CNTNAP4: variants seen among roughly 807,000 people sequenced by gnomAD.
CNTNAP4 encodes the protein contactin associated protein family member 4, also known as contactin-associated protein-like 4.
Under a neutral mutation model 148.4 loss-of-function variants are expected in CNTNAP4, and 98 were observed. The ratio of observed to expected loss-of-function variants is 0.66; its 90% CI spans 0.56 to 0.78. The LOEUF (loss-of-function observed/expected upper bound fraction) is 0.78, where lower values mean the gene tolerates loss of function less well. Ranked by LOEUF, CNTNAP4 falls within the 30% of genes least tolerant of loss-of-function variation. The pLI is 0.00. For missense variants in CNTNAP4, 1,935 were observed against 1,565.6 expected, an observed-to-expected ratio of 1.24 and a Z score of -3.98; for synonymous variants, 730 against 565.1, an observed-to-expected ratio of 1.29 and a Z score of -4.14.
intron 2 of CNTNAP4, among the ~76,000 whole-genome samples, chr16:76,332,297 G>C (rs540009397): frequency 1.3e-5 from 2 of 152,124 alleles, no homozygotes; most frequent in Non-Finnish European, 2.9e-5. Context: ...ATGTCATTCT[G>C]TTGCCCAGGC....
At chr16:76,512,929 C>T (rs750877218) in intron 15 of CNTNAP4, among the ~76,000 whole-genome samples, 12 of 152,052 alleles carry the variant, frequency 7.9e-5, no homozygotes, top group East Asian at 3.9e-4. Flanking sequence ...GCTTTAGCAA[C>T]ATGGATGTTA....
chr16:76,315,425 GT>G (rs992891692), intron 1 of CNTNAP4, among the ~76,000 whole-genome samples: 42 of 152,162 alleles, frequency 2.8e-4, no homozygotes, highest in African/African-American at 9.9e-4. Context: ...ATGACAAGTT[GT>G]TTTTATAAAA....
intron 3 of CNTNAP4, among the ~76,000 whole-genome samples, chr16:76,397,967 T>TGG (rs1435226380): frequency 2.0e-5 from 1 of 49,880 alleles, no homozygotes; most frequent in Non-Finnish European, 3.9e-5. Context: ...TATATATATA[T>TGG]ATATATATAT....
chr16:76,485,791 C>T (rs1057000775), intron 12 of CNTNAP4, among the ~76,000 whole-genome samples: 4 of 152,098 alleles, frequency 2.6e-5, no homozygotes, highest in African/African-American at 9.7e-5. Flanking sequence ...TAATAAAGGC[C>T]TTCTTAACAG....
intron 15 of CNTNAP4, among the ~76,000 whole-genome samples, chr16:76,511,774 A>G (rs1415796196): frequency 6.6e-6 from 1 of 151,740 alleles, no homozygotes; most frequent in East Asian, 1.9e-4. Context: ...CTTGTGGGAA[A>G]GAGCAAAAGA....
intron 3 of CNTNAP4, among the ~76,000 whole-genome samples, chr16:76,394,230 G>T (rs956756657): frequency 2.6e-5 from 4 of 152,174 alleles, no homozygotes; most frequent in African/African-American, 9.6e-5. Context: ...TATTTTGGAA[G>T]TTGGCCTTGA....
At chr16:76,331,428 T>C (rs540038868) in intron 2 of CNTNAP4, among the ~76,000 whole-genome samples, 2 of 152,044 alleles carry the variant, frequency 1.3e-5, no homozygotes, top group South Asian at 4.2e-4. Flanking sequence ...GACCTCGTGA[T>C]CCACCTGCCT....
chr16:76,310,017 C>T, intron 1 of CNTNAP4: 1 of 621,318 alleles, frequency 1.6e-6, no homozygotes, highest in Non-Finnish European at 2.9e-6. Flanking sequence ...TATTTGGCTT[C>T]TTGCACTGGT....
intron 10 of CNTNAP4, among the ~76,000 whole-genome samples, chr16:76,473,988 T>A (rs1315544418): frequency 6.6e-6 from 1 of 152,162 alleles, no homozygotes; most frequent in Non-Finnish European, 1.5e-5. Context: ...GTTCCCAAGC[T>A]GTTGGTGCAT....
At chr16:76,470,357 C>G (rs1168276331) in intron 10 of CNTNAP4, among the ~76,000 whole-genome samples, 1 of 151,124 alleles carries the variant, frequency 6.6e-6, no homozygotes, top group Non-Finnish European at 1.5e-5. Context: ...GCATTAACAG[C>G]CAGCCAGACA....
intron 1 of CNTNAP4, among the ~76,000 whole-genome samples, chr16:76,295,815 G>T (rs950527419): frequency 5.9e-5 from 9 of 152,084 alleles, no homozygotes; most frequent in African/African-American, 2.2e-4. Context: ...TTCTGAATAA[G>T]AATTTATTTA....
intron 4 of CNTNAP4, among the ~76,000 whole-genome samples, chr16:76,440,468 A>G (rs1026288911): frequency 1.3e-5 from 2 of 152,160 alleles, no homozygotes; most frequent in East Asian, 3.9e-4. Flanking sequence ...TACCACCTCC[A>G]CAATTATCGG....
At chr16:76,393,832 C>A (rs1480094081) in intron 3 of CNTNAP4, among the ~76,000 whole-genome samples, 2 of 152,186 alleles carry the variant, frequency 1.3e-5, no homozygotes, top group Non-Finnish European at 2.9e-5. Context: ...CTTCAGAGAA[C>A]TGTTGGATCT....
At chr16:76,491,627 C>A (rs530709795) in intron 13 of CNTNAP4, among the ~76,000 whole-genome samples, 12 of 152,088 alleles carry the variant, frequency 7.9e-5, no homozygotes, top group Admixed American at 7.9e-4. Flanking sequence ...ATAAGCAAAT[C>A]TGGAAGGGTA....
chr16:76,288,327 T>A lies in CNTNAP4; in HGVS notation c.85+10580T>A, dbSNP rs1420092699. ...CTTCTTTTCTTTGTAAATTACTCAG[T>A]CTCAGGTATGTCTTCATAGCAGCAT... is the stretch of plus-strand genomic sequence containing the variant. On this transcript the variant is annotated intron_variant, in intron 1 of 23. Coordinates refer to ENST00000611870, the MANE Select transcript of CNTNAP4 (RefSeq NM_033401.5). 2.6e-5 allele frequency among the ~76,000 whole-genome samples: 4 copies of A among 152,260 alleles called. No homozygotes were observed. The East Asian group carries it at 5.8e-4, about 22-fold the overall frequency.
intron 3 of CNTNAP4, among the ~76,000 whole-genome samples, chr16:76,375,054 C>T (rs1001564676): frequency 1.3e-5 from 2 of 152,082 alleles, no homozygotes; most frequent in African/African-American, 4.8e-5. Context: ...CAGGCGTCAG[C>T]CATCACGCCC....
intron 2 of CNTNAP4, among the ~76,000 whole-genome samples, chr16:76,354,762 A>C (rs1268214052): frequency 6.6e-6 from 1 of 152,208 alleles, no homozygotes; most frequent in South Asian, 2.1e-4. Context: ...GTGTGTTTCA[A>C]ATGTGGTTTT....
At position 76,505,094 on chromosome 16, in the gene CNTNAP4, C is replaced by G. The variant is rs538105294; in HGVS notation, c.2365+6400C>G. On this transcript the variant is annotated intron_variant, in intron 15 of 23. Transcript: ENST00000611870. ...GTTAAACCCACATTTACCATATGAC[C>G]CAGCAATCCCCATCTTAGGATTTTA... Among the ~76,000 whole-genome samples the G allele has an allele frequency of 6.5e-4, 99 of 152,136 alleles. 2 individuals are homozygous for G. The South Asian group carries it at 0.019, about 30-fold the overall frequency.
chr16:76,402,740 G>A (rs557164834), intron 3 of CNTNAP4, among the ~76,000 whole-genome samples: 5 of 152,190 alleles, frequency 3.3e-5, no homozygotes, highest in South Asian at 4.1e-4. Context: ...CTGGTAGGTC[G>A]TATCTTTGTT....
Sources: gnomAD v4.1 joint callset for allele counts (sites outside exome capture counted in the v4.1 genomes callset) on GRCh38, gnomAD v4.1.1 for gene constraint, MANE v1.5 for transcripts, NCBI Gene and HGNC (gene_info 2026-07-23, HGNC 2026-07-21) for gene names.